ADAM10: variants seen among roughly 807,000 people sequenced by gnomAD.
ADAM10 encodes the protein disintegrin and metalloproteinase domain-containing protein 10.
A neutral mutation model predicts 90.1 loss-of-function variants in ADAM10; 17 were observed. The observed-to-expected ratio is 0.19, with a 90% CI of 0.13 to 0.28. The LOEUF (loss-of-function observed/expected upper bound fraction) is 0.28. Ranked by LOEUF, ADAM10 falls within the 10% of genes least tolerant of loss-of-function variation. The pLI is 1.00. For missense variants in ADAM10, 610 were observed against 914.3 expected (o/e 0.67, Z 4.29); for synonymous variants, 310 against 298.6 (o/e 1.04, Z -0.40).
intron 5 of ADAM10, among the ~76,000 whole-genome samples, chr15:58,656,247 C>T (rs575648995): frequency 1.6e-4 from 24 of 152,148 alleles, no homozygotes; most frequent in African/African-American, 4.8e-4. Flanking sequence ...ATTGGATCTT[C>T]GGGGTTTTTT....
At chr15:58,699,309 G>T (rs189749755) in intron 2 of ADAM10, among the ~76,000 whole-genome samples, 13 of 152,172 alleles carry the variant, frequency 8.5e-5, no homozygotes, top group African/African-American at 3.1e-4. Context: ...TTCTGCATCT[G>T]GAAGCAAAAA....
chr15:58,602,045 T>C (rs1168385349), intron 14 of ADAM10, among the ~76,000 whole-genome samples: 4 of 152,362 alleles, frequency 2.6e-5, no homozygotes, highest in Admixed American at 6.5e-5. Context: ...TTGTAGACAA[T>C]GAAAATTTTG....
intron 1 of ADAM10, among the ~76,000 whole-genome samples, chr15:58,736,432 C>G (rs923209689): frequency 3.3e-5 from 5 of 151,712 alleles, no homozygotes; most frequent in Non-Finnish European, 7.4e-5. Context: ...TACTACAAAG[C>G]ATATACTACA....
chr15:58,657,620 T>C (rs1896859862), intron 5 of ADAM10, among the ~76,000 whole-genome samples: 1 of 152,200 alleles, frequency 6.6e-6, no homozygotes, highest in Admixed American at 6.5e-5. Context: ...TTTCTTTGAG[T>C]TTCCTCAAAA....
At chr15:58,663,327 T>C (rs1897011670) in intron 5 of ADAM10, among the ~76,000 whole-genome samples, 2 of 152,240 alleles carry the variant, frequency 1.3e-5, no homozygotes, top group Non-Finnish European at 2.9e-5. Context: ...GTCCTCACTT[T>C]TCCTTACTAA....
At chr15:58,716,736 C>T (rs1331979705) in intron 2 of ADAM10, among the ~76,000 whole-genome samples, 1 of 152,084 alleles carries the variant, frequency 6.6e-6, no homozygotes, top group Non-Finnish European at 1.5e-5. Context: ...TATTGATAAA[C>T]AGAGCAGAAG....
intron 2 of ADAM10, among the ~76,000 whole-genome samples, chr15:58,683,631 G>A (rs911160713): frequency 6.6e-6 from 1 of 152,098 alleles, no homozygotes; most frequent in Non-Finnish European, 1.5e-5. Flanking sequence ...GGAGGCTGAG[G>A]CAGGTGGATC....
chr15:58,595,676 T>G lies in ADAM10; in HGVS notation c.*1871A>C, dbSNP rs1325741182. 1 of 152,122 alleles carries G rather than the reference T, an allele frequency of 6.6e-6. No individual in the cohort carries two copies. Among genetic ancestry groups the G allele is most frequent in the Non-Finnish European group, 1.5e-5 (1 of 67,964 alleles). 9.4% of individuals were successfully genotyped at this position (152,122 alleles called of 1,614,324 possible). On this transcript the variant is annotated 3_prime_UTR_variant, in exon 16 of 16. Transcript: ENST00000260408. Reference sequence around the variant, plus strand: ...ACTCAAAATAAAATAGGGCAGTGTGTGTACCTGCCAAAATCCTACCACAGG... The same window carrying G: ...ACTCAAAATAAAATAGGGCAGTGTGGGTACCTGCCAAAATCCTACCACAGG...
chr15:58,644,214 GT>G (rs1313402022), intron 6 of ADAM10, among the ~76,000 whole-genome samples: 37 of 144,510 alleles, frequency 2.6e-4, no homozygotes, highest in Middle Eastern at 3.6e-3. Context: ...CTTCTTTGCG[GT>G]TTTTTTTTTT....
chr15:58,707,938 G>A (rs572826224), intron 2 of ADAM10, among the ~76,000 whole-genome samples: 23 of 152,132 alleles, frequency 1.5e-4, no homozygotes, highest in Admixed American at 1.0e-3. Context: ...TTAGCCAGGC[G>A]TGGTGGTGAG....
intron 1 of ADAM10, among the ~76,000 whole-genome samples, chr15:58,735,998 T>C (rs1899418103): frequency 6.6e-6 from 1 of 152,324 alleles, no homozygotes; most frequent in Admixed American, 6.5e-5. Context: ...AAAATGTTAC[T>C]AATCTGACAT....
At chr15:58,666,319 T>C (rs1228378073) in intron 4 of ADAM10, among the ~76,000 whole-genome samples, 1 of 150,804 alleles carries the variant, frequency 6.6e-6, no homozygotes, top group Non-Finnish European at 1.5e-5. Flanking sequence ...ACTTCAGAAG[T>C]GTAACTATGA....
intron 5 of ADAM10, among the ~76,000 whole-genome samples, chr15:58,663,877 C>T (rs1265879687): frequency 6.6e-6 from 1 of 151,926 alleles, no homozygotes; most frequent in Non-Finnish European, 1.5e-5. Flanking sequence ...TAAATGCAAC[C>T]TACTTTTGTA....
At chr15:58,646,774 G>C (rs1377012865) in intron 5 of ADAM10, among the ~76,000 whole-genome samples, 13 of 152,202 alleles carry the variant, frequency 8.5e-5, no homozygotes, top group African/African-American at 3.1e-4. Flanking sequence ...TGCTCTAAAA[G>C]ATTAAGCCCA....
chr15:58,611,399 A>G (rs2140998562), intron 12 of ADAM10: 1 of 383,754 alleles, frequency 2.6e-6, no homozygotes, highest in East Asian at 5.5e-5. Context: ...GTTGGTTATT[A>G]CGGCTCTTCT....
At chr15:58,617,021 A>G (rs1895634161) in intron 11 of ADAM10, among the ~76,000 whole-genome samples, 4 of 152,166 alleles carry the variant, frequency 2.6e-5, no homozygotes. Flanking sequence ...AGGCAGGAGA[A>G]TGGCGTGAAT....
At chr15:58,722,894 G>C (rs1898904223) in intron 1 of ADAM10, among the ~76,000 whole-genome samples, 1 of 151,876 alleles carries the variant, frequency 6.6e-6, no homozygotes, top group African/African-American at 2.4e-5. Context: ...ACTATGCCTG[G>C]CTAACTTTTG....
At chr15:58,625,833 G>C (rs1017842037) in intron 10 of ADAM10, among the ~76,000 whole-genome samples, 10 of 152,120 alleles carry the variant, frequency 6.6e-5, no homozygotes, top group Non-Finnish European at 1.0e-4. Context: ...AAAAAAGAAC[G>C]AACTATTGAT....
At chr15:58,610,715 G>A in intron 13 of ADAM10, 198 bp from the exon 14 acceptor site, 3 of 673,798 alleles carry the variant, frequency 4.5e-6, no homozygotes, top group East Asian at 5.4e-5. Context: ...CAAGCAACCA[G>A]CAAGTCTTGA....
Sources: gnomAD v4.1 joint callset for allele counts (sites outside exome capture counted in the v4.1 genomes callset) on GRCh38, gnomAD v4.1.1 for gene constraint, MANE v1.5 for transcripts, NCBI Gene and HGNC (gene_info 2026-07-23, HGNC 2026-07-21) for gene names.